HSD17B12: variants seen among roughly 807,000 people sequenced by gnomAD.
HSD17B12 encodes the protein very-long-chain 3-oxoacyl-CoA reductase.
In HSD17B12, 32 loss-of-function variants were observed where a neutral mutation model predicts 39.3. The observed-to-expected ratio is 0.81, with a 90% confidence interval of 0.61 to 1.09. The LOEUF (loss-of-function observed/expected upper bound fraction) is 1.09, where lower values mean the gene tolerates loss of function less well. HSD17B12 is among the 50% of genes least tolerant of loss of function. HSD17B12 has a pLI of 0.00. For missense variants in HSD17B12, 342 were observed against 382.9 expected, an observed-to-expected ratio of 0.89 and a Z score of 0.89; for synonymous variants, 150 against 146.7, an observed-to-expected ratio of 1.02 and a Z score of -0.16.
the HSD17B12 span, among the ~76,000 whole-genome samples, chr11:43,663,058 GAGAGACAGGGTCTT>G: frequency 1.9e-4 from 1 of 5,144 alleles, no homozygotes; most frequent in East Asian, 0.062. Context: ...AAATTTTTTT[GAGAGACAGGGTCTT>G]GCCTTGTTGT....
chr11:43,776,708 A>AG (rs1352179114), intron 3 of HSD17B12, among the ~76,000 whole-genome samples: 1 of 152,150 alleles, frequency 6.6e-6, no homozygotes, highest in Non-Finnish European at 1.5e-5. Flanking sequence ...GGTAATGCCT[A>AG]GGTTTTCTTC....
the HSD17B12 span, among the ~76,000 whole-genome samples, chr11:43,669,461 A>G: frequency 2.0e-5 from 3 of 151,880 alleles, no homozygotes; most frequent in Admixed American, 6.6e-5. Context: ...AGATGGTGCC[A>G]CTGCATTCCA....
chr11:43,600,218 G>GCATT, the HSD17B12 span, among the ~76,000 whole-genome samples: 1 of 151,716 alleles, frequency 6.6e-6, no homozygotes, highest in Non-Finnish European at 1.5e-5. Flanking sequence ...CTATTGTCTA[G>GCATT]CATTCATTCC....
chr11:43,775,318 G>T (rs112714498), intron 3 of HSD17B12, among the ~76,000 whole-genome samples: 5,708 of 152,256 alleles, frequency 0.037, 355 homozygotes, highest in African/African-American at 0.13. Context: ...AAGTTCTGTG[G>T]TAATTGTGAT....
chr11:43,772,339 C>T (rs1950658155), intron 3 of HSD17B12, among the ~76,000 whole-genome samples: 1 of 152,132 alleles, frequency 6.6e-6, no homozygotes. Context: ...TAGGTGTGCT[C>T]GTTTAAGTTG....
At chr11:43,853,990 A>C (rs1310533575) in intron 9 of HSD17B12, 1 of 152,206 alleles carries the variant, frequency 6.6e-6, no homozygotes, top group East Asian at 1.9e-4. Context: ...AAAATGCAGC[A>C]AGCTTAAGCA....
intron 3 of HSD17B12, among the ~76,000 whole-genome samples, chr11:43,772,918 C>T (rs1373509738): frequency 1.3e-5 from 2 of 152,094 alleles, no homozygotes; most frequent in African/African-American, 4.8e-5. Context: ...TGAGACCAGC[C>T]TGGGCAATAT....
chr11:43,638,917 C>T, the HSD17B12 span, among the ~76,000 whole-genome samples: 12,775 of 151,988 alleles, frequency 0.084, 1,209 homozygotes, highest in African/African-American at 0.23. Flanking sequence ...GGAGTCTTCC[C>T]GAAGATTTAA....
chr11:43,580,066 TGG>T, the HSD17B12 span, among the ~76,000 whole-genome samples: 217 of 120,056 alleles, frequency 1.8e-3, 5 homozygotes, highest in South Asian at 0.019. Context: ...TAGGTACTAA[TGG>T]GGGGGGGGAG....
At chr11:43,665,418 T>C in the HSD17B12 span, among the ~76,000 whole-genome samples, 1 of 152,092 alleles carries the variant, frequency 6.6e-6, no homozygotes, top group Non-Finnish European at 1.5e-5. Flanking sequence ...AGGATCCCAC[T>C]ATGTTGCCCA....
chr11:43,602,465 G>A, the HSD17B12 span, among the ~76,000 whole-genome samples: 1 of 152,152 alleles, frequency 6.6e-6, no homozygotes, highest in African/African-American at 2.4e-5. Flanking sequence ...TGTTCTCAGT[G>A]TAGTCTTGGG....
chr11:43,793,107 A>G (rs1474956094), intron 3 of HSD17B12, among the ~76,000 whole-genome samples: 1 of 152,182 alleles, frequency 6.6e-6, no homozygotes, highest in East Asian at 1.9e-4. Flanking sequence ...AGTGCCTCGT[A>G]GGGTTATATA....
At chr11:43,732,673 G>C (rs1485389857) in intron 1 of HSD17B12, among the ~76,000 whole-genome samples, 1 of 152,082 alleles carries the variant, frequency 6.6e-6, no homozygotes, top group African/African-American at 2.4e-5. Flanking sequence ...CTGTTGCCCA[G>C]GCTGGTCTCG....
chr11:43,574,280 C>G, the HSD17B12 span, among the ~76,000 whole-genome samples: 17 of 152,174 alleles, frequency 1.1e-4, no homozygotes, highest in African/African-American at 3.9e-4. Context: ...AGGCCTTGTG[C>G]CCCAAATCCA....
At chr11:43,825,144 A>G (rs1951221814) in intron 6 of HSD17B12, among the ~76,000 whole-genome samples, 1 of 151,294 alleles carries the variant, frequency 6.6e-6, no homozygotes, top group African/African-American at 2.4e-5. Context: ...AAAAAAAAAA[A>G]TTTGGAGTGG....
chr11:43,621,337 A>T, the HSD17B12 span, among the ~76,000 whole-genome samples: 1 of 152,188 alleles, frequency 6.6e-6, no homozygotes, highest in South Asian at 2.1e-4. Flanking sequence ...TGAAATGTAA[A>T]CCCATGCTGT....
the HSD17B12 span, among the ~76,000 whole-genome samples, chr11:43,656,392 C>G: frequency 2.3e-4 from 35 of 152,156 alleles, no homozygotes; most frequent in African/African-American, 7.9e-4. Flanking sequence ...TTTTGTGTCT[C>G]TATTTCCTTC....
chr11:43,776,075 T>C (rs1950700575), intron 3 of HSD17B12, among the ~76,000 whole-genome samples: 1 of 152,192 alleles, frequency 6.6e-6, no homozygotes, highest in South Asian at 2.1e-4. Flanking sequence ...TACGTGTGCA[T>C]GCGTCTTTAT....
chr11:43,565,372 G>A, the HSD17B12 span, among the ~76,000 whole-genome samples: 2 of 152,196 alleles, frequency 1.3e-5, no homozygotes, highest in Non-Finnish European at 2.9e-5. Flanking sequence ...ATTGAAGGCA[G>A]GGTCTTTGTC....
Sources: gnomAD v4.1 joint callset for allele counts (sites outside exome capture counted in the v4.1 genomes callset) on GRCh38, gnomAD v4.1.1 for gene constraint, MANE v1.5 for transcripts, NCBI Gene and HGNC (gene_info 2026-07-23, HGNC 2026-07-21) for gene names.